RSRC1: variants seen among roughly 807,000 people sequenced by gnomAD.
The protein encoded by RSRC1 is serine/Arginine-related protein 53.
A neutral mutation model predicts 49.1 loss-of-function variants in RSRC1; 39 were observed. The observed-to-expected ratio is 0.79, with a 90% CI of 0.61 to 1.04. The LOEUF (loss-of-function observed/expected upper bound fraction) is 1.04. Among genes scored for constraint, RSRC1 ranks in the 50% least tolerant of loss-of-function variants. The pLI, the probability that RSRC1 is intolerant of heterozygous loss-of-function variation, is 0.00. For missense variants in RSRC1, 388 were observed against 402.4 expected, an observed-to-expected ratio of 0.96 and a Z score of 0.31; for synonymous variants, 143 against 130.8, an observed-to-expected ratio of 1.09 and a Z score of -0.63.
intron 4 of RSRC1, among the ~76,000 whole-genome samples, chr3:158,230,560 A>G (rs1436203406): frequency 6.6e-6 from 1 of 152,140 alleles, no homozygotes; most frequent in African/African-American, 2.4e-5. Flanking sequence ...ATGAAATAAA[A>G]CATATCATTC....
chr3:158,484,981 T>C (rs1054558506), intron 7 of RSRC1, among the ~76,000 whole-genome samples: 1 of 152,108 alleles, frequency 6.6e-6, no homozygotes, highest in Admixed American at 6.6e-5. Context: ...AAGCTAAATA[T>C]TTAACAAAAT....
chr3:158,432,877 A>T (rs1735844726), intron 6 of RSRC1, among the ~76,000 whole-genome samples: 1 of 151,910 alleles, frequency 6.6e-6, no homozygotes, highest in Non-Finnish European at 1.5e-5. Context: ...ATATATACAC[A>T]CACAGAGTGA....
intron 6 of RSRC1, among the ~76,000 whole-genome samples, chr3:158,398,207 A>G (rs1294029324): frequency 6.6e-6 from 1 of 152,132 alleles, no homozygotes; most frequent in Non-Finnish European, 1.5e-5. Context: ...TTCAGTGAGG[A>G]GTGTTAGTGC....
intron 4 of RSRC1, among the ~76,000 whole-genome samples, chr3:158,267,823 G>T (rs976851766): frequency 4.6e-5 from 5 of 109,678 alleles, no homozygotes; most frequent in African/African-American, 6.9e-5. Context: ...TAATAGTTTT[G>T]ATTTACTCTT....
intron 7 of RSRC1, among the ~76,000 whole-genome samples, chr3:158,480,764 G>T (rs1738577646): frequency 6.6e-6 from 1 of 151,868 alleles, no homozygotes; most frequent in Non-Finnish European, 1.5e-5. Flanking sequence ...ACTCTCTTAG[G>T]TTATATTTAT....
intron 7 of RSRC1, among the ~76,000 whole-genome samples, chr3:158,510,353 G>C (rs1578559288): frequency 6.6e-6 from 1 of 152,148 alleles, no homozygotes; most frequent in Middle Eastern, 3.4e-3. Context: ...TCTTCTCTTA[G>C]TATGTCTTAA....
At chr3:158,291,513 G>A (rs1726930927) in intron 4 of RSRC1, among the ~76,000 whole-genome samples, 1 of 152,086 alleles carries the variant, frequency 6.6e-6, no homozygotes, top group Non-Finnish European at 1.5e-5. Flanking sequence ...TTGTTTTTAA[G>A]TAATCACTTT....
chr3:158,313,192 G>A (rs77856712), intron 5 of RSRC1, among the ~76,000 whole-genome samples: 3,763 of 151,714 alleles, frequency 0.025, 155 homozygotes, highest in African/African-American at 0.087. Flanking sequence ...ATGAGCCCCC[G>A]TACTTCTCTG....
In RSRC1 at chr3:158,461,997, GAAAA is replaced by G. The variant is rs3086337; in HGVS notation, c.652+1007_652+1010del. Among the ~76,000 whole-genome samples the G allele has an allele frequency of 3.7e-4, 44 of 119,160 alleles. No homozygotes were observed. The South Asian group carries it at 0.01, about 28-fold the overall frequency. The allele number at this position is 119,160 out of a possible 152,430, so 78.2% of individuals were successfully genotyped here. A position where few individuals can be genotyped will look rare whatever the true frequency, so the allele number is the denominator to read the frequency against. On this transcript the variant is annotated intron_variant, in intron 7 of 9. Coordinates refer to ENST00000611884, the MANE Select transcript of RSRC1 (RefSeq NM_001271838.2). ...ATCAGAGCCATCCTCAAAACCAAGC[GAAAA>G]AAAAAAAAAAAACTGTAGATTTAAG...
intron 6 of RSRC1, among the ~76,000 whole-genome samples, chr3:158,426,479 T>C (rs957135875): frequency 6.6e-6 from 1 of 151,648 alleles, no homozygotes; most frequent in African/African-American, 2.4e-5. Flanking sequence ...GGGAACCGCA[T>C]GTATTTTAAA....
intron 4 of RSRC1, among the ~76,000 whole-genome samples, chr3:158,244,632 G>A (rs1033138010): frequency 6.6e-6 from 1 of 152,120 alleles, no homozygotes; most frequent in Non-Finnish European, 1.5e-5. Context: ...GATGATGCTG[G>A]CCTCATAGAA....
intron 5 of RSRC1, among the ~76,000 whole-genome samples, chr3:158,300,589 A>G (rs925969321): frequency 5.3e-5 from 8 of 152,174 alleles, no homozygotes; most frequent in Non-Finnish European, 8.8e-5. Flanking sequence ...CTTCTAGCAT[A>G]GATGTAGCTC....
At chr3:158,334,536 A>G (rs2108201941) in intron 5 of RSRC1, among the ~76,000 whole-genome samples, 1 of 150,334 alleles carries the variant, frequency 6.7e-6, no homozygotes, top group South Asian at 2.1e-4. Flanking sequence ...GCTGGAGTGC[A>G]GTGGTGCGAT....
At chr3:158,262,948 T>C (rs979352679) in intron 4 of RSRC1, among the ~76,000 whole-genome samples, 3 of 152,096 alleles carry the variant, frequency 2.0e-5, no homozygotes, top group Non-Finnish European at 4.4e-5. Context: ...TTTTGTAAAT[T>C]GAGGTTTTTA....
intron 7 of RSRC1, among the ~76,000 whole-genome samples, chr3:158,526,385 G>A (rs980342985): frequency 6.6e-6 from 1 of 151,960 alleles, no homozygotes; most frequent in Non-Finnish European, 1.5e-5. Flanking sequence ...AGCTCTAATA[G>A]TATATCTTAA....
intron 5 of RSRC1, among the ~76,000 whole-genome samples, chr3:158,349,691 CTTTTTT>C (rs775736592): frequency 5.3e-5 from 4 of 74,852 alleles, no homozygotes; most frequent in African/African-American, 1.1e-4. Context: ...TCTTACTGCC[CTTTTTT>C]TTTTTTTTTT....
intron 7 of RSRC1, among the ~76,000 whole-genome samples, chr3:158,501,487 G>T (rs1739593741): frequency 6.6e-6 from 1 of 152,040 alleles, no homozygotes; most frequent in Admixed American, 6.6e-5. Context: ...TTGTGTTGCT[G>T]TCTATCTCAT....
chr3:158,210,030 G>T (rs1721575770), intron 4 of RSRC1, among the ~76,000 whole-genome samples: 1 of 152,048 alleles, frequency 6.6e-6, no homozygotes, highest in African/African-American at 2.4e-5. Context: ...AAGATGTTGG[G>T]AGTGATTTGG....
intron 6 of RSRC1, among the ~76,000 whole-genome samples, chr3:158,419,196 G>A (rs1734908031): frequency 6.6e-6 from 1 of 151,934 alleles, no homozygotes; most frequent in Non-Finnish European, 1.5e-5. Context: ...ATAAATATAG[G>A]AATGTGTGAA....
Sources: gnomAD v4.1 joint callset for allele counts (sites outside exome capture counted in the v4.1 genomes callset) on GRCh38, gnomAD v4.1.1 for gene constraint, MANE v1.5 for transcripts, NCBI Gene and HGNC (gene_info 2026-07-23, HGNC 2026-07-21) for gene names.